ABCC8: variants seen among roughly 807,000 people sequenced by gnomAD.
ABCC8 encodes the protein ATP-binding cassette sub-family C member 8.
In ABCC8, 137 loss-of-function variants were observed where a neutral mutation model predicts 188.0. The observed-to-expected ratio is 0.73, with a 90% confidence interval of 0.63 to 0.84. ABCC8 has a LOEUF of 0.84. ABCC8 is among the 40% of genes least tolerant of loss of function. The pLI, the probability that ABCC8 is intolerant of heterozygous loss-of-function variation, is 0.00. For synonymous variants in ABCC8, 797 were observed against 846.5 expected, an observed-to-expected ratio of 0.94 and a Z score of 1.01; for missense variants, 1,750 against 2,072.7, an observed-to-expected ratio of 0.84 and a Z score of 3.02.
intron 8 of ABCC8, among the ~76,000 whole-genome samples, chr11:17,445,495 CAA>C (rs1039768555): frequency 6.6e-6 from 1 of 152,004 alleles, no homozygotes; most frequent in Admixed American, 6.5e-5. Context: ...TGCATGTGAC[CAA>C]AAAAAGATTA....
chr11:17,412,904 A>G, intron 20 of ABCC8, 158 bp from the exon 21 acceptor site: 1 of 1,470,280 alleles, frequency 6.8e-7, no homozygotes, highest in East Asian at 2.5e-5. Context: ...GCACGTGTTT[A>G]CTGAATTCAT....
Position 17,414,570 on chromosome 11 carries a change from G to T in ABCC8, c.2332C>A (p.Leu778Met), listed in dbSNP as rs1299193955. The stretch of plus-strand genomic sequence containing the variant: ...TTCTCCTCCACAGTGGCATTTAGCA[G>T]CCATGGTTTCTGCGAAGCATAGGCC... ...PVAYASQKPWLLNATVEENII... is the reference protein window; with the variant it reads ...PVAYASQKPWMLNATVEENII... Residue 778 changes from leucine (L) to methionine (M), a missense_variant, in exon 19 of 39, where the codon CTG becomes ATG. Transcript: ENST00000389817. The T allele has an allele frequency of 1.2e-6, 2 of 1,614,244 alleles. No individual in the cohort carries two copies. The highest frequency in any genetic ancestry group is 1.7e-5 in the Admixed American group (1 of 60,032).
intron 18 of ABCC8, 184 bp from the exon 19 acceptor site, chr11:17,414,794 G>T (rs1954986924): frequency 8.5e-6 from 6 of 709,634 alleles, no homozygotes; most frequent in Non-Finnish European, 1.0e-5. Flanking sequence ...AGAGGTCTGG[G>T]TCTCAACTGA....
At chr11:17,395,552 A>T (rs1953871925) in intron 35 of ABCC8, 58 bp downstream of exon 35, 20 of 1,534,922 alleles carry the variant, frequency 1.3e-5, no homozygotes, top group Non-Finnish European at 1.8e-5. Flanking sequence ...TGTGCTCCAG[A>T]TCTGATGGAA....
At chr11:17,412,818 T>G in intron 20 of ABCC8, 72 bp from the exon 21 acceptor site, 1 of 1,555,926 alleles carries the variant, frequency 6.4e-7, no homozygotes, top group African/African-American at 1.4e-5. Flanking sequence ...CCTACTGGAC[T>G]ATGAGCTCTT....
At chr11:17,415,471 A>G in intron 17 of ABCC8, 132 bp from the exon 18 acceptor site, 2 of 1,533,156 alleles carry the variant, frequency 1.3e-6, no homozygotes, top group South Asian at 2.4e-5. Context: ...GTAGCCACAA[A>G]TGCTGCATAG....
chr11:17,428,759 G>T, intron 12 of ABCC8, 89 bp from the exon 13 acceptor site: 1 of 1,574,360 alleles, frequency 6.4e-7, no homozygotes, highest in Non-Finnish European at 8.6e-7. Context: ...CTCTGAGCAG[G>T]ATCTCAGGCC....
In ABCC8 at chr11:17,427,703, G is replaced by A. The variant is rs868182196; in HGVS notation, c.2116+164C>T. 1.1e-4 allele frequency among the ~76,000 whole-genome samples: 17 copies of A among 152,294 alleles called. No individual in the cohort carries two copies. The highest frequency in any genetic ancestry group is 3.4e-3 in the Middle Eastern group (1 of 294). ...AGTGCTTCACTCCCACCCAGCACAC[G>A]GAAGCCTCTAGAATGTAGCCTTCCC... On this transcript the variant is annotated intron_variant, in intron 15 of 38. Transcript: ENST00000389817. The surrounding 1 kb of genome is among the most constrained non-coding windows in gnomAD (Gnocchi z 5.0).
At chr11:17,412,528 G>T in intron 21 of ABCC8, 138 bp downstream of exon 21, 1 of 1,254,774 alleles carries the variant, frequency 8.0e-7, no homozygotes, top group Non-Finnish European at 1.1e-6. Flanking sequence ...AGGATGATAA[G>T]GCAATATCTC....
intron 36 of ABCC8, among the ~76,000 whole-genome samples, chr11:17,394,825 T>C (rs1265159928): frequency 6.6e-6 from 1 of 152,098 alleles, no homozygotes; most frequent in East Asian, 1.9e-4. Context: ...GCCCAGTCCA[T>C]CTTCTCCTCC....
chr11:17,447,399 C>G (rs933836166), intron 8 of ABCC8, among the ~76,000 whole-genome samples: 27 of 152,056 alleles, frequency 1.8e-4, no homozygotes, highest in African/African-American at 6.0e-4. Context: ...GGTTGTCTTG[C>G]TTTAAAAAAA....
chr11:17,409,868 GTTTCTTTC>G (rs966629903), intron 22 of ABCC8, among the ~76,000 whole-genome samples: 1 of 152,120 alleles, frequency 6.6e-6, no homozygotes, highest in Non-Finnish European at 1.5e-5. Flanking sequence ...TAATATTGAA[GTTTCTTTC>G]TTTCTTTCTT....
rs762346426 is a variant in ABCC8 at position 17,397,226 on chromosome 11, T to G, written c.3955A>C (p.Lys1319Gln). Residue 1319 changes from lysine to glutamine, a missense_variant, in exon 32 of 39, where the codon AAA becomes CAA. Physicochemically the swap from Lys to Gln is moderately conservative, Grantham distance 53. Transcript: ENST00000389817. ...GAVKRIHGLLKTEAESYEGLL... is the reference protein window; with the variant it reads ...GAVKRIHGLLQTEAESYEGLL... ...CCCTCGTAGCTCTCTGCCTCGGTTT[T>G]CAGGAGCCCATGGATGCGCTTCACA... is the stretch of plus-strand genomic sequence containing the variant. 2.5e-6 allele frequency: 4 copies of G among 1,613,674 alleles called. No homozygotes were observed. The Admixed American group carries it at 6.7e-5, about 27-fold the overall frequency.
rs372930264 is a variant in ABCC8 at position 17,461,599 on chromosome 11, G to C, written c.806C>G (p.Ala269Gly). The C allele has an allele frequency of 1.9e-6, 3 of 1,614,100 alleles. No homozygotes were observed. Among genetic ancestry groups the C allele is most frequent in the Non-Finnish European group, 2.5e-6 (3 of 1,180,048 alleles). Reference protein sequence around the residue: ...ALTNYQRLCEAFDAQVRKDIQ... With the variant: ...ALTNYQRLCEGFDAQVRKDIQ... ...CCCACTGACCACCTGGGCGTCAAAG[G>C]CCTCGCAGAGCCGTTGGTAGTTGGT... Residue 269 changes from alanine to glycine, a missense_variant, in exon 5 of 39, where the codon GCC (alanine) becomes GGC (glycine). Transcript: ENST00000389817.
Position 17,427,833 on chromosome 11 carries a change from GA to G in ABCC8, c.2116+33del. On this transcript the variant is annotated intron_variant, in intron 15 of 38. Transcript: ENST00000389817. This position sits in a 1 kb window ranked among gnomAD's most constrained non-coding sequence, Gnocchi z 5.0. ...TCTATGTTATTCAGTGGGACATGGG[GA>G]GGGGCATGCTGGAGGGGTGGACTGG... 3 of 1,612,566 alleles carry G rather than the reference GA, an allele frequency of 1.9e-6. No homozygotes were observed. Among genetic ancestry groups the G allele is most frequent in the Non-Finnish European group, 2.5e-6 (3 of 1,179,220 alleles).
Position 17,474,970 on chromosome 11 carries a change from G to A in ABCC8, c.206C>T (p.Pro69Leu), listed in dbSNP as rs1346510033. The A allele has an allele frequency of 1.2e-6, 2 of 1,614,142 alleles. No individual in the cohort carries two copies. Among genetic ancestry groups the A allele is most frequent in the Non-Finnish European group, 1.7e-6 (2 of 1,179,994 alleles). The change falls in exon 2 of 39, where the codon CCT becomes CTT. Residue 69 changes from proline to leucine, a missense_variant. By Grantham distance (98) the Pro-to-Leu change is moderately conservative. Coordinates refer to ENST00000389817, the MANE Select transcript of ABCC8 (RefSeq NM_000352.6). ...CAGGATCCACCGCAGGTTGTGCCCAGGGAAATGAAGCCATGTGCTGTGGTG... is the reference window on the plus strand; with the variant it reads ...CAGGATCCACCGCAGGTTGTGCCCAAGGAAATGAAGCCATGTGCTGTGGTG... ...HIHHSTWLHFPGHNLRWILTF... is the reference protein window; with the variant it reads ...HIHHSTWLHFLGHNLRWILTF...
At chr11:17,392,833 C>A (rs777533277), downstream of ABCC8, 5 of 846,954 alleles carry the variant, frequency 5.9e-6, no homozygotes, top group Non-Finnish European at 9.5e-6. Context: ...GCTGGTTCTA[C>A]TGAACCCACC....
chr11:17,392,589 A>G (rs1953689312), downstream of ABCC8: 1 of 352,390 alleles, frequency 2.8e-6, no homozygotes, highest in Non-Finnish European at 5.5e-6. Context: ...ATGTGAGCAC[A>G]CAGCCAGAAG....
intron 3 of ABCC8, among the ~76,000 whole-genome samples, chr11:17,467,964 C>T (rs1848262052): frequency 6.6e-6 from 1 of 152,222 alleles, no homozygotes; most frequent in African/African-American, 2.4e-5. Flanking sequence ...AAATGAACTC[C>T]TCAGATGTCC....
Sources: allele counts gnomAD v4.1 joint callset (sites outside exome capture counted in the v4.1 genomes callset), GRCh38; gene constraint gnomAD v4.1.1; non-coding constraint Gnocchi (gnomAD v3.1); transcripts MANE v1.5; gene names NCBI Gene and HGNC (gene_info 2026-07-23, HGNC 2026-07-21).